Variants in CCDC66 observed in about 807,000 individuals in gnomAD.
CCDC66 encodes coiled-coil domain-containing protein 66.
In CCDC66, 133 loss-of-function variants were observed where a neutral mutation model predicts 128.3. The observed-to-expected ratio is 1.04, with a 90% confidence interval of 0.90 to 1.20. CCDC66 has a LOEUF of 1.20. Among genes scored for constraint, CCDC66 ranks in the 50% most tolerant of loss-of-function variants. CCDC66 has a pLI of 0.00. For missense variants in CCDC66, 1,126 were observed against 1,075.5 expected (o/e 1.05, Z -0.66); for synonymous variants, 387 against 357.0 (o/e 1.08, Z -0.95).
At chr3:56,604,246 T>C (rs1487557539) in intron 10 of CCDC66, among the ~76,000 whole-genome samples, 2 of 152,076 alleles carry the variant, frequency 1.3e-5, no homozygotes, top group Non-Finnish European at 2.9e-5. Context: ...CCAGTCTGTG[T>C]CTTTTAATTG....
chr3:56,569,079 T>G (rs2066271631), intron 6 of CCDC66, among the ~76,000 whole-genome samples: 1 of 152,206 alleles, frequency 6.6e-6, no homozygotes, highest in African/African-American at 2.4e-5. Context: ...GTGGCTCACA[T>G]GTAATCCCAG....
intron 6 of CCDC66, among the ~76,000 whole-genome samples, chr3:56,567,624 G>A (rs757234158): frequency 1.6e-4 from 25 of 152,174 alleles, no homozygotes; most frequent in Non-Finnish European, 3.1e-4. Flanking sequence ...ATAGGGGTTG[G>A]AGCATGGCAA....
intron 7 of CCDC66, among the ~76,000 whole-genome samples, chr3:56,582,849 T>TTATTATTATTA (rs1553682880): frequency 4.4e-5 from 6 of 134,886 alleles, no homozygotes; most frequent in Non-Finnish European, 7.8e-5. Context: ...CTCAACTTTC[T>TTATTATTATTA]TTATTATTAT....
chr3:56,608,472 T>C (rs1197779220), intron 10 of CCDC66, among the ~76,000 whole-genome samples: 1 of 152,204 alleles, frequency 6.6e-6, no homozygotes, highest in African/African-American at 2.4e-5. Context: ...AGTTGTAATA[T>C]CTCCTGTTTT....
chr3:56,590,416 G>A (rs1487298850), intron 7 of CCDC66, among the ~76,000 whole-genome samples: 1 of 152,146 alleles, frequency 6.6e-6, no homozygotes, highest in Non-Finnish European at 1.5e-5. Flanking sequence ...TTAGGACTCT[G>A]TAACATCAGG....
chr3:56,614,709 A>G (rs1209123527), intron 11 of CCDC66, among the ~76,000 whole-genome samples: 1 of 152,198 alleles, frequency 6.6e-6, no homozygotes. Flanking sequence ...TGGCTGGTAA[A>G]GGGACACATG....
At chr3:56,594,198 A>G (rs73081854) in intron 10 of CCDC66, among the ~76,000 whole-genome samples, 170 bp downstream of exon 10, 1 of 151,984 alleles carries the variant, frequency 6.6e-6, no homozygotes, top group Non-Finnish European at 1.5e-5. Context: ...TATTAGAATT[A>G]GCTTATCAAA....
intron 10 of CCDC66, among the ~76,000 whole-genome samples, chr3:56,610,662 C>G (rs1229499143): frequency 6.6e-6 from 1 of 152,064 alleles, no homozygotes; most frequent in Non-Finnish European, 1.5e-5. Context: ...ATTATATTAC[C>G]ACAGTTGGTT....
intron 7 of CCDC66, among the ~76,000 whole-genome samples, chr3:56,580,318 G>A (rs531406094): frequency 6.6e-6 from 1 of 151,598 alleles, no homozygotes; most frequent in African/African-American, 2.4e-5. Context: ...CATGTGAGAT[G>A]GGTCTCCGGA....
At chr3:56,578,228 G>A (rs1320206634) in intron 7 of CCDC66, among the ~76,000 whole-genome samples, 5 of 151,524 alleles carry the variant, frequency 3.3e-5, no homozygotes, top group African/African-American at 7.3e-5. Flanking sequence ...TTGGTGTATA[G>A]GAATGCTTGT....
chr3:56,560,372 A>AT (rs1370613068), intron 3 of CCDC66, among the ~76,000 whole-genome samples: 3 of 151,976 alleles, frequency 2.0e-5, no homozygotes, highest in Admixed American at 6.6e-5. Context: ...TGCCCAGCTA[A>AT]TTTTTTTTAT....
intron 3 of CCDC66, among the ~76,000 whole-genome samples, chr3:56,560,603 C>A (rs149655045): frequency 2.6e-5 from 4 of 152,190 alleles, no homozygotes; most frequent in Non-Finnish European, 2.9e-5. Context: ...GGCGCTAGTC[C>A]CAGCTACTTA....
rs773604990 is a variant in CCDC66, at chr3:56,564,149, T to C, written c.544+24T>C. The C allele has an allele frequency of 3.9e-6, 6 of 1,556,132 alleles. No homozygotes were observed. The Admixed American group carries it at 7.8e-5, about 20-fold the overall frequency. ...AAGTAAGATTTTTCTAAAGTTTTCA[T>C]GAATTTTGATTTTTTCAATATGTGT... On this transcript the variant is annotated intron_variant, in intron 4 of 17. Coordinates refer to ENST00000394672, the MANE Select transcript of CCDC66 (RefSeq NM_001141947.3).
Position 56,566,989 on chromosome 3 carries a change from G to T in CCDC66, c.750G>T (p.Leu250=). The stretch of plus-strand genomic sequence containing the variant: ...AACCAGCTGATATATTCAGTACTCT[G>T]GGGGAAAGGGAATGTGATAGAAGTT... ...EWKPADIFST[L]GERECDRSSL... The change falls in exon 6 of 18, where the codon CTG becomes CTT. Residue 250 remains leucine (L), a synonymous_variant. Coordinates refer to ENST00000394672, the MANE Select transcript of CCDC66 (RefSeq NM_001141947.3). 1.2e-6 allele frequency: 2 copies of T among 1,614,092 alleles called. No individual in the cohort carries two copies. The highest frequency in any genetic ancestry group is 2.2e-5 in the South Asian group (2 of 91,082).
intron 7 of CCDC66, among the ~76,000 whole-genome samples, 160 bp from the exon 8 acceptor site, chr3:56,592,810 C>T (rs1396426534): frequency 6.6e-6 from 1 of 152,110 alleles, no homozygotes; most frequent in Non-Finnish European, 1.5e-5. Flanking sequence ...AATATATCTA[C>T]TTAATTCTTT....
chr3:56,566,576 A>G lies in CCDC66; in HGVS notation c.545-18A>G. 6.7e-7 allele frequency: 1 copy of G among 1,483,318 alleles called. No individual in the cohort carries two copies. Among genetic ancestry groups the G allele is most frequent in the Non-Finnish European group, 9.4e-7 (1 of 1,067,440 alleles). The allele number at this position is 1,483,318 out of a possible 1,614,324, so 91.9% of individuals were successfully genotyped here. A position where few individuals can be genotyped will look rare whatever the true frequency, so the allele number is the denominator to read the frequency against. ...TGTAATTTAGTGTTAATTTTAAAAC[A>G]TGTATTTTACCTCCTAGGTCAATAT... is the stretch of plus-strand genomic sequence containing the variant. On this transcript the variant is annotated intron_variant, in intron 4 of 17. Coordinates refer to ENST00000394672, the MANE Select transcript of CCDC66 (RefSeq NM_001141947.3).
chr3:56,558,839 A>G lies in CCDC66; in HGVS notation c.12-7A>G. 1 of 1,542,996 alleles carries G rather than the reference A, an allele frequency of 6.5e-7. No homozygotes were observed. The highest frequency in any genetic ancestry group is 8.8e-7 in the Non-Finnish European group (1 of 1,139,934). On this transcript the variant is annotated splice_region_variant and splice_polypyrimidine_tract_variant and intron_variant, in intron 1 of 17. Coordinates refer to ENST00000394672, the MANE Select transcript of CCDC66 (RefSeq NM_001141947.3). ...AAATGAGAGACAACTTTCTTTTTTT[A>G]TTACAGAGATGGTTTAAAGCTTGAA...
intron 3 of CCDC66, chr3:56,561,055 T>G (rs923135780): frequency 4.7e-5 from 20 of 423,670 alleles, no homozygotes; most frequent in Non-Finnish European, 7.9e-5. Flanking sequence ...ATATAAAAAT[T>G]GTTTCTCTTT....
intron 10 of CCDC66, among the ~76,000 whole-genome samples, chr3:56,595,930 T>G (rs2071814310): frequency 6.6e-6 from 1 of 152,250 alleles, no homozygotes; most frequent in Non-Finnish European, 1.5e-5. Flanking sequence ...TTTGCTTGTT[T>G]TTGAGACAGG....
Sources: allele counts gnomAD v4.1 joint callset (sites outside exome capture counted in the v4.1 genomes callset), GRCh38; gene constraint gnomAD v4.1.1; transcripts MANE v1.5; gene names NCBI Gene and HGNC (gene_info 2026-07-23, HGNC 2026-07-21).